CSMD2: variants seen among roughly 807,000 people sequenced by gnomAD.
CSMD2 encodes the protein CUB and Sushi multiple domains 2, also known as CUB and sushi domain-containing protein 2.
CSMD2 carries 130 observed loss-of-function variants against 398.5 expected under a neutral mutation model. The ratio of observed to expected loss-of-function variants is 0.33; its 90% CI spans 0.28 to 0.38. CSMD2 has a LOEUF of 0.38. Ranked by LOEUF, CSMD2 falls within the 10% of genes least tolerant of loss-of-function variation. CSMD2 has a pLI of 1.00. For synonymous variants in CSMD2, 1,828 were observed against 1,908.5 expected (o/e 0.96, Z 1.10); for missense variants, 3,829 against 4,764.9 (o/e 0.80, Z 5.78).
intron 25 of CSMD2, among the ~76,000 whole-genome samples, chr1:33,671,351 C>G (rs1402108926): frequency 6.6e-6 from 1 of 152,112 alleles, no homozygotes; most frequent in Non-Finnish European, 1.5e-5. Flanking sequence ...AATCTGCAGT[C>G]TAACTCCAGC....
At chr1:33,830,622 A>G (rs1407192603) in intron 6 of CSMD2, among the ~76,000 whole-genome samples, 1 of 152,250 alleles carries the variant, frequency 6.6e-6, no homozygotes, top group Non-Finnish European at 1.5e-5. Context: ...CTCCAAAGGA[A>G]CGCAGTTCCT....
At chr1:33,666,462 A>G (rs1644319301) in intron 25 of CSMD2, among the ~76,000 whole-genome samples, 1 of 151,952 alleles carries the variant, frequency 6.6e-6, no homozygotes, top group African/African-American at 2.4e-5. Context: ...GCAGTCCACA[A>G]GTTTATGGTT....
intron 5 of CSMD2, among the ~76,000 whole-genome samples, chr1:33,854,799 G>A (rs1013619067): frequency 1.3e-5 from 2 of 152,186 alleles, no homozygotes; most frequent in African/African-American, 2.4e-5. Flanking sequence ...CCAGATGCAC[G>A]GCTCTCTGGA....
At chr1:33,998,856 T>A (rs1322978828) in intron 3 of CSMD2, among the ~76,000 whole-genome samples, 1 of 152,248 alleles carries the variant, frequency 6.6e-6, no homozygotes, top group Non-Finnish European at 1.5e-5. Flanking sequence ...TGAAGCTGGC[T>A]CTGGCTACCT....
chr1:33,557,903 A>G lies in CSMD2; in HGVS notation c.8574T>C (p.Pro2858=). Residue 2858 remains proline, a synonymous_variant, in exon 55 of 71, where the codon CCT becomes CCC. Coordinates refer to ENST00000373381, the MANE Select transcript of CSMD2 (RefSeq NM_001281956.2). Reference sequence around the variant, plus strand: ...GACGAACACTATTTTCTTGGTGTCCAGGATCTGTACAGTTGATGACTGCAA... The same window carrying G: ...GACGAACACTATTTTCTTGGTGTCCGGGATCTGTACAGTTGATGACTGCAA... ...PTCRIINCTD[P]GHQENSVRQV... The G allele has an allele frequency of 6.5e-7, 1 of 1,536,198 alleles. No homozygotes were observed. Among genetic ancestry groups the G allele is most frequent in the East Asian group, 2.4e-5 (1 of 40,916 alleles).
At chr1:34,041,984 G>A (rs755601780) in intron 2 of CSMD2, among the ~76,000 whole-genome samples, 1 of 152,196 alleles carries the variant, frequency 6.6e-6, no homozygotes, top group Admixed American at 6.5e-5. Context: ...CAGAGAGGAG[G>A]AGGAACATAC....
At chr1:34,041,422 T>C (rs1305389616) in intron 2 of CSMD2, among the ~76,000 whole-genome samples, 1 of 152,224 alleles carries the variant, frequency 6.6e-6, no homozygotes, top group Non-Finnish European at 1.5e-5. Flanking sequence ...CCTTTATGCA[T>C]GGGACTCAAA....
rs1202335510 is a variant in CSMD2 at position 34,095,638 on chromosome 1, G to A, written c.188-6445C>T. Among the ~76,000 whole-genome samples, 972 of 151,034 alleles carry A rather than the reference G, an allele frequency of 6.4e-3. 7 individuals carry two copies. The highest frequency in any genetic ancestry group is 0.022 in the African/African-American group (881 of 40,566). ...CAGAGAATACTACAAACACCTCTAC[G>A]CAAATAAACTAGAAAATCTAGAAGA... is the stretch of plus-strand genomic sequence containing the variant. On this transcript the variant is annotated intron_variant, in intron 1 of 70. Coordinates refer to ENST00000373381, the MANE Select transcript of CSMD2 (RefSeq NM_001281956.2).
chr1:33,594,198 A>AAG (rs1639687767), intron 44 of CSMD2, among the ~76,000 whole-genome samples: 4 of 152,214 alleles, frequency 2.6e-5, no homozygotes. Context: ...ATTTTGAGTT[A>AAG]CTGGTTCATC....
intron 3 of CSMD2, among the ~76,000 whole-genome samples, chr1:33,965,630 A>C (rs370799722): frequency 6.6e-6 from 1 of 152,194 alleles, no homozygotes; most frequent in African/African-American, 2.4e-5. Flanking sequence ...ACAACCCTCT[A>C]AAAATACTTC....
intron 13 of CSMD2, among the ~76,000 whole-genome samples, chr1:33,756,778 A>G (rs1354796147): frequency 6.6e-6 from 1 of 152,200 alleles, no homozygotes; most frequent in Non-Finnish European, 1.5e-5. Flanking sequence ...AACTAGAAAT[A>G]CCATTTGACC....
chr1:33,857,058 G>A (rs1409040751), intron 5 of CSMD2, among the ~76,000 whole-genome samples: 1 of 152,024 alleles, frequency 6.6e-6, no homozygotes, highest in African/African-American at 2.4e-5. Context: ...GACTTAGCAC[G>A]CAGGCCCTAG....
intron 3 of CSMD2, among the ~76,000 whole-genome samples, chr1:33,960,310 A>G (rs1645312458): frequency 6.6e-6 from 1 of 152,144 alleles, no homozygotes; most frequent in South Asian, 2.1e-4. Context: ...GGTTTGAGCA[A>G]TCTCACATCT....
chr1:33,726,247 T>C (rs1009589125), intron 16 of CSMD2, among the ~76,000 whole-genome samples: 2 of 152,148 alleles, frequency 1.3e-5, no homozygotes, highest in African/African-American at 4.8e-5. Context: ...TAACATCTGA[T>C]GGTGTCTATC....
At chr1:33,568,280 T>G (rs1659257292) in intron 52 of CSMD2, among the ~76,000 whole-genome samples, 1 of 150,820 alleles carries the variant, frequency 6.6e-6, no homozygotes, top group Admixed American at 6.6e-5. Flanking sequence ...GTCCACCTCC[T>G]AGGTTCAAGG....
chr1:33,725,360 A>G lies in CSMD2; in HGVS notation c.2684T>C (p.Leu895Pro). ...CCACTGAGACTCACTCTCATAGCGG[A>G]GCTGGAAGCCGATGTCCGAGTGACT... ...DKSHSDIGFQLRYETITLQSD... is the reference protein window; with the variant it reads ...DKSHSDIGFQPRYETITLQSD... The change falls in exon 17 of 71, where the codon CTC (leucine) becomes CCC (proline). Residue 895 changes from leucine to proline, a missense_variant. Physicochemically the swap from Leu to Pro is moderately conservative, Grantham distance 98 (BLOSUM62 -3). Around this residue, in one of 5 missense-constraint regions of CSMD2, gnomAD observed 2,001 missense variants for 2,567.1 expected, o/e 0.78. Coordinates refer to ENST00000373381, the MANE Select transcript of CSMD2 (RefSeq NM_001281956.2). 6.2e-7 allele frequency: 1 copy of G among 1,613,844 alleles called. No homozygotes were observed. Among genetic ancestry groups the G allele is most frequent in the Non-Finnish European group, 8.5e-7 (1 of 1,179,832 alleles).
At chr1:33,601,396 T>C (rs1470361454) in intron 43 of CSMD2, among the ~76,000 whole-genome samples, 4 of 152,168 alleles carry the variant, frequency 2.6e-5, no homozygotes, top group Non-Finnish European at 5.9e-5. Flanking sequence ...CCATGCTCCA[T>C]TGCCTTGTCT....
At chr1:33,812,469 C>T (rs1048697120) in intron 9 of CSMD2, among the ~76,000 whole-genome samples, 2 of 152,216 alleles carry the variant, frequency 1.3e-5, no homozygotes, top group African/African-American at 2.4e-5. Flanking sequence ...CTCCATTCCC[C>T]CATGTATATC....
chr1:33,887,075 T>C (rs1398256161), intron 5 of CSMD2, among the ~76,000 whole-genome samples: 1 of 152,150 alleles, frequency 6.6e-6, no homozygotes, highest in Non-Finnish European at 1.5e-5. Context: ...CTTTCTTCTA[T>C]GACATATTTT....
Sources: gnomAD v4.1 joint callset for allele counts (sites outside exome capture counted in the v4.1 genomes callset) on GRCh38, gnomAD v4.1.1 for gene constraint, gnomAD v4.1.1 regional missense constraint, MANE v1.5 for transcripts, NCBI Gene and HGNC (gene_info 2026-07-23, HGNC 2026-07-21) for gene names.